The following RIPOR3 variants were observed in gnomAD, a reference collection of about 807,000 sequenced individuals.
RIPOR3 encodes RIPOR family member 3, also known as family with sequence similarity 65 member C.
A neutral mutation model predicts 114.3 loss-of-function variants in RIPOR3; 95 were observed. The ratio of observed to expected loss-of-function variants is 0.83; its 90% CI spans 0.70 to 0.99. RIPOR3 has a LOEUF of 0.99. Among genes scored for constraint, RIPOR3 ranks in the 50% least tolerant of loss-of-function variants. The pLI is 0.00. For synonymous variants in RIPOR3, 575 were observed against 543.8 expected (o/e 1.06, Z -0.80); for missense variants, 1,252 against 1,266.9 (o/e 0.99, Z 0.18).
chr20:50,587,101 T>C lies in RIPOR3; in HGVS notation c.*131A>G. 1 of 703,172 alleles carries C rather than the reference T, an allele frequency of 1.4e-6. No individual in the cohort carries two copies. 43.6% of individuals were successfully genotyped at this position (703,172 alleles called of 1,614,324 possible). On this transcript the variant is annotated 3_prime_UTR_variant, in exon 22 of 22. Transcript: ENST00000327979. ...TGGGGCTGGGTCAATGGCCGGAGTC[T>C]CAGGTAGAGCTCTGGGCAGCTCACA...
chr20:50,671,982 GTGGATGGATGGATGGATGGA>G (rs71190589), intron 1 of RIPOR3, among the ~76,000 whole-genome samples: 28 of 137,202 alleles, frequency 2.0e-4, no homozygotes, highest in Admixed American at 1.6e-3. Flanking sequence ...GGATGGGTGC[GTGGATGGATGGATGGATGGA>G]TGGATGGATG....
At chr20:50,601,341 G>A (rs888134506) in intron 13 of RIPOR3, among the ~76,000 whole-genome samples, 3 of 152,342 alleles carry the variant, frequency 2.0e-5, no homozygotes, top group Admixed American at 6.5e-5. Context: ...CGCTGAGGCA[G>A]GAGAAATGCT....
chr20:50,647,576 G>A lies in RIPOR3; in HGVS notation c.4-16720C>T, dbSNP rs1042249703. 1.1e-4 allele frequency among the ~76,000 whole-genome samples: 15 copies of A among 142,010 alleles called. No homozygotes were observed. In the East Asian group the frequency reaches 3.0e-3, roughly 28 times the overall value. 93.2% of individuals were successfully genotyped at this position (142,010 alleles called of 152,430 possible). ...CGGCTCACTGCAAGCTCCGCCTCCC[G>A]GGTTCACGCCATTCTCCTGCCTCAG... On this transcript the variant is annotated intron_variant, in intron 1 of 21. Transcript: ENST00000327979.
chr20:50,665,421 C>CATTTTT (rs2086152817), intron 1 of RIPOR3, among the ~76,000 whole-genome samples: 3 of 107,846 alleles, frequency 2.8e-5, no homozygotes, highest in East Asian at 3.2e-4. Context: ...CCCCCTCTTC[C>CATTTTT]TTTTTTTTTT....
rs182020772 is a variant in RIPOR3, at chr20:50,674,724, A to G, written c.3+16402T>C. On this transcript the variant is annotated intron_variant, in intron 1 of 21. Transcript: ENST00000327979. Reference sequence around the variant, plus strand: ...GGCTTTAGGAGGCTGAGACAGGAGGATGGCTTGAGCCCAGAAGTTCAAGAC... The same window carrying G: ...GGCTTTAGGAGGCTGAGACAGGAGGGTGGCTTGAGCCCAGAAGTTCAAGAC... Among the ~76,000 whole-genome samples, 83 of 151,202 alleles carry G rather than the reference A, an allele frequency of 5.5e-4. 1 individual carries two copies. Among genetic ancestry groups the G allele is most frequent in the African/African-American group, 1.9e-3 (79 of 41,206 alleles).
chr20:50,607,415 G>C (rs1310469944), intron 11 of RIPOR3, among the ~76,000 whole-genome samples: 1 of 152,190 alleles, frequency 6.6e-6, no homozygotes, highest in Non-Finnish European at 1.5e-5. Context: ...GGTCCCCATA[G>C]ATCCATTTGC....
chr20:50,595,984 CCT>C (rs2083275395), intron 15 of RIPOR3, among the ~76,000 whole-genome samples, 154 bp downstream of exon 15: 1 of 152,224 alleles, frequency 6.6e-6, no homozygotes, highest in Admixed American at 6.5e-5. Flanking sequence ...CCCTGGTCTG[CCT>C]CTCTTCCACT....
At position 50,593,031 on chromosome 20, in the gene RIPOR3, T is replaced by A; in HGVS notation, c.2374+4A>T. 5 of 1,613,902 alleles carry A rather than the reference T, an allele frequency of 3.1e-6. No homozygotes were observed. Among genetic ancestry groups the A allele is most frequent in the Non-Finnish European group, 4.2e-6 (5 of 1,179,988 alleles). ...GCTATGACAGCCACCCACCCCAGTC[T>A]TACCTTCCTTGGTGAGCTGGGTGAA... On this transcript the variant is annotated splice_donor_region_variant and intron_variant, in intron 18 of 21. Coordinates refer to ENST00000327979, the MANE Select transcript of RIPOR3 (RefSeq NM_001290268.2).
chr20:50,623,222 T>C (rs2084486676), intron 2 of RIPOR3, among the ~76,000 whole-genome samples: 2 of 148,034 alleles, frequency 1.4e-5, no homozygotes, highest in African/African-American at 2.5e-5. Flanking sequence ...ATCATGCCAC[T>C]TCACTCCAGC....
At chr20:50,636,470 G>T in intron 1 of RIPOR3, 1 of 836,672 alleles carries the variant, frequency 1.2e-6, no homozygotes, top group Non-Finnish European at 1.4e-6. Context: ...TGCTCGGGTG[G>T]CTTAGGGCAG....
At chr20:50,611,256 C>T in intron 4 of RIPOR3, 52 bp from the exon 5 acceptor site, 1 of 1,612,946 alleles carries the variant, frequency 6.2e-7, no homozygotes, top group Middle Eastern at 1.6e-4. Context: ...CCACATGTTC[C>T]TCCAAGGCCT....
chr20:50,616,575 C>A (rs145991206), intron 3 of RIPOR3, among the ~76,000 whole-genome samples: 46 of 152,226 alleles, frequency 3.0e-4, no homozygotes, highest in African/African-American at 1.0e-3. Context: ...ACTCCTTGAC[C>A]TCAGGTGATC....
chr20:50,688,536 C>T (rs1224396583), intron 1 of RIPOR3, among the ~76,000 whole-genome samples: 2 of 152,102 alleles, frequency 1.3e-5, no homozygotes, highest in Non-Finnish European at 2.9e-5. Context: ...GTTTAGCAAC[C>T]CGTTCACCTA....
intron 1 of RIPOR3, among the ~76,000 whole-genome samples, chr20:50,664,970 C>T (rs1471313097): frequency 2.0e-5 from 3 of 151,920 alleles, no homozygotes; most frequent in Admixed American, 6.6e-5. Context: ...GGCATGGTGG[C>T]GCATGCCTGT....
In RIPOR3 at chr20:50,608,945, G is replaced by T; in HGVS notation, c.651C>A (p.Gly217=). 6.3e-7 allele frequency: 1 copy of T among 1,582,304 alleles called. No individual in the cohort carries two copies. ...GGTCTCCGGGACAGAGGCGTGCGTAGCCCACCAAGCCTGGAACACAGACAT... is the reference window on the plus strand; with the variant it reads ...GGTCTCCGGGACAGAGGCGTGCGTATCCCACCAAGCCTGGAACACAGACAT... ...EFHIRMKGLV[G]YARLCPGDHY... The change falls in exon 9 of 22, where the codon GGC becomes GGA. Residue 217 remains glycine, a synonymous_variant. Coordinates refer to ENST00000327979, the MANE Select transcript of RIPOR3 (RefSeq NM_001290268.2).
intron 2 of RIPOR3, among the ~76,000 whole-genome samples, chr20:50,630,455 G>A (rs2084774304): frequency 1.3e-5 from 2 of 152,174 alleles, no homozygotes; most frequent in Admixed American, 6.5e-5. Flanking sequence ...GACCTGCTAA[G>A]CTCAGGCAGA....
rs1262070754 is a variant in RIPOR3 at position 50,587,177 on chromosome 20, G to C, written c.*55C>G. On this transcript the variant is annotated 3_prime_UTR_variant, in exon 22 of 22. Transcript: ENST00000327979. The stretch of plus-strand genomic sequence containing the variant: ...TACCCAGAGTGCAGGCTATGTCCAG[G>C]CTGGGCAGCAGCAAAAAAAACGATG... The C allele has an allele frequency of 2.9e-6, 4 of 1,384,546 alleles. No homozygotes were observed. In the African/African-American group the frequency reaches 4.3e-5, roughly 15 times the overall value. The allele number at this position is 1,384,546 out of a possible 1,614,324, so 85.8% of individuals were successfully genotyped here.
At position 50,595,588 on chromosome 20, in the gene RIPOR3, G is replaced by C. The variant is rs887930873; in HGVS notation, c.1915-84C>G. 9.0e-6 allele frequency: 14 copies of C among 1,555,478 alleles called. No homozygotes were observed. In the African/African-American group the frequency reaches 1.8e-4, roughly 20 times the overall value. On this transcript the variant is annotated intron_variant, in intron 15 of 21. Transcript: ENST00000327979. Reference sequence around the variant, plus strand: ...TTACGGCTGTGGCTCCCACCTGCTTGTGCCCATCTCTTCTGTCCCGGGGGC... The same window carrying C: ...TTACGGCTGTGGCTCCCACCTGCTTCTGCCCATCTCTTCTGTCCCGGGGGC...
At chr20:50,668,118 G>A (rs745948709) in intron 1 of RIPOR3, among the ~76,000 whole-genome samples, 1 of 152,144 alleles carries the variant, frequency 6.6e-6, no homozygotes, top group Non-Finnish European at 1.5e-5. Flanking sequence ...GCTGCCCTCA[G>A]TCTGAGGCTT....
Sources: gnomAD v4.1 joint callset for allele counts (sites outside exome capture counted in the v4.1 genomes callset) on GRCh38, gnomAD v4.1.1 for gene constraint, MANE v1.5 for transcripts, NCBI Gene and HGNC (gene_info 2026-07-23, HGNC 2026-07-21) for gene names.